Variants in PAGE2B observed in about 807,000 individuals in gnomAD.
PAGE2B encodes the protein PAGE family member 2B.
Under a neutral mutation model 7.6 loss-of-function variants are expected in PAGE2B, and 5 were observed. That is an observed-to-expected ratio of 0.66 (90% confidence interval 0.34 to 1.38). The LOEUF (loss-of-function observed/expected upper bound fraction) is 1.38. Ranked by LOEUF, PAGE2B falls within the 40% of genes most tolerant of loss-of-function variation. PAGE2B has a pLI of 0.04. For synonymous variants in PAGE2B, 29 were observed against 26.7 expected (o/e 1.09, Z -0.27); for missense variants, 70 against 78.4 (o/e 0.89, Z 0.41).
chrX:55,060,772 T>C, the PAGE2B span, among the ~76,000 whole-genome samples: 1 of 111,359 alleles, frequency 9.0e-6, no homozygotes, highest in Non-Finnish European at 1.9e-5. Context: ...AAGTCATTAA[T>C]CCATTTTGAG....
the PAGE2B span, among the ~76,000 whole-genome samples, chrX:55,040,858 A>G: frequency 9.0e-6 from 1 of 111,293 alleles, no homozygotes; most frequent in East Asian, 2.8e-4. Context: ...CCTATATAAA[A>G]TGCTGTAAGG....
the PAGE2B span, among the ~76,000 whole-genome samples, chrX:55,050,442 T>C: frequency 1.8e-5 from 2 of 108,730 alleles, no homozygotes; most frequent in Non-Finnish European, 3.8e-5. Context: ...TGTGGGAGTC[T>C]AAGTCTCTTT....
At chrX:55,042,159 C>T in the PAGE2B span, among the ~76,000 whole-genome samples, 4 of 110,658 alleles carry the variant, frequency 3.6e-5, no homozygotes, top group African/African-American at 1.3e-4. Context: ...GAAAACCCTA[C>T]TAACTCCTCC....
chrX:55,029,161 G>A, the PAGE2B span, among the ~76,000 whole-genome samples: 2 of 111,861 alleles, frequency 1.8e-5, no homozygotes, highest in African/African-American at 6.5e-5. Flanking sequence ...GCCAAGGGAA[G>A]TCACATGAAT....
At chrX:55,045,698 G>A in the PAGE2B span, among the ~76,000 whole-genome samples, 6 of 111,237 alleles carry the variant, frequency 5.4e-5, no homozygotes, top group African/African-American at 2.0e-4. Flanking sequence ...AGGAACACAT[G>A]TATGGAGGCT....
upstream of PAGE2B, among the ~76,000 whole-genome samples, chrX:55,071,502 T>G (rs1480564653): frequency 1.8e-5 from 2 of 111,736 alleles, no homozygotes; most frequent in Non-Finnish European, 3.8e-5. Context: ...CATTTCAACC[T>G]TGGTGAATCT....
At chrX:55,039,902 A>G in the PAGE2B span, among the ~76,000 whole-genome samples, 2 of 111,827 alleles carry the variant, frequency 1.8e-5, no homozygotes, top group Non-Finnish European at 3.8e-5. Flanking sequence ...TTGCCAATGG[A>G]CCATGCTTTA....
At chrX:55,057,877 C>G in the PAGE2B span, among the ~76,000 whole-genome samples, 1 of 111,798 alleles carries the variant, frequency 8.9e-6, no homozygotes, top group African/African-American at 3.3e-5. Flanking sequence ...ACTCTCTTGA[C>G]AGTTGTAGCC....
chrX:55,033,795 T>C, the PAGE2B span, among the ~76,000 whole-genome samples: 3 of 112,422 alleles, frequency 2.7e-5, no homozygotes, highest in African/African-American at 9.7e-5. Context: ...GACATCATGG[T>C]ACTTAAAGTT....
At chrX:55,056,165 A>G in the PAGE2B span, among the ~76,000 whole-genome samples, 1 of 111,146 alleles carries the variant, frequency 9.0e-6, no homozygotes, top group African/African-American at 3.3e-5. Flanking sequence ...CTCAAAATTT[A>G]CCCACGAGTC....
rs776960529 is a variant in PAGE2B at position 55,077,382 on chromosome X, C to A, written c.194-17C>A. ...CATGTTTTAATTTGTAAACTGATGA[C>A]CTTTTTATCTTTTAAGGGCCTGACA... On this transcript the variant is annotated splice_polypyrimidine_tract_variant and intron_variant, in intron 3 of 4. Coordinates refer to ENST00000374971, the MANE Select transcript of PAGE2B (RefSeq NM_001015038.3). 9.9e-6 allele frequency: 12 copies of A among 1,206,593 alleles called. No individual in the cohort carries two copies. In the East Asian group the frequency reaches 3.6e-4, roughly 36 times the overall value.
chrX:55,074,951 C>G (rs1936487409), upstream of PAGE2B: 1 of 113,366 alleles, frequency 8.8e-6, no homozygotes, highest in African/African-American at 3.2e-5. Flanking sequence ...GCTGCACAGA[C>G]CTGTTGCTGC....
At chrX:55,060,213 T>C in the PAGE2B span, among the ~76,000 whole-genome samples, 1 of 111,707 alleles carries the variant, frequency 9.0e-6, no homozygotes, top group African/African-American at 3.3e-5. Flanking sequence ...GGAATCTCCT[T>C]ACCGTTTTTC....
At chrX:55,035,969 A>G in the PAGE2B span, among the ~76,000 whole-genome samples, 1 of 111,086 alleles carries the variant, frequency 9.0e-6, no homozygotes, top group African/African-American at 3.3e-5. Flanking sequence ...ATCCTCTTTT[A>G]TTTCCTTGAG....
At position 55,077,498 on chromosome X, in the gene PAGE2B, T is replaced by C. The variant is rs149758580; in HGVS notation, c.293T>C (p.Phe98Ser). 2.6e-4 allele frequency: 316 copies of C among 1,210,859 alleles called. 2 individuals are homozygous for C. The East Asian group carries it at 7.9e-3, about 30-fold the overall frequency. Reference protein sequence around the residue: ...PDVREGIMPTFDLTKVLEAGD... With the variant: ...PDVREGIMPTSDLTKVLEAGD... ...GTCAGGGAGGGGATTATGCCCACTTTTGATCTCACTAAAGTGCTGGAAGCA... is the reference window on the plus strand; with the variant it reads ...GTCAGGGAGGGGATTATGCCCACTTCTGATCTCACTAAAGTGCTGGAAGCA... The change falls in exon 4 of 5, where the codon TTT becomes TCT. Residue 98 changes from phenylalanine to serine, a missense_variant. Coordinates refer to ENST00000374971, the MANE Select transcript of PAGE2B (RefSeq NM_001015038.3).
chrX:55,045,284 T>C, the PAGE2B span, among the ~76,000 whole-genome samples: 1 of 111,532 alleles, frequency 9.0e-6, no homozygotes, highest in Non-Finnish European at 1.9e-5. Flanking sequence ...GTGGATATTA[T>C]TTCAGGAACT....
At chrX:55,042,450 C>G in the PAGE2B span, among the ~76,000 whole-genome samples, 1 of 108,279 alleles carries the variant, frequency 9.2e-6, no homozygotes, top group Admixed American at 9.9e-5. Flanking sequence ...GTCAGGAGAT[C>G]GAGACCATCC....
the PAGE2B span, among the ~76,000 whole-genome samples, chrX:55,058,153 C>A: frequency 9.0e-6 from 1 of 110,544 alleles, no homozygotes; most frequent in Non-Finnish European, 1.9e-5. Context: ...ATGCTGATGT[C>A]AACTCGGTTG....
chrX:55,066,908 G>T, the PAGE2B span, among the ~76,000 whole-genome samples: 103 of 110,817 alleles, frequency 9.3e-4, no homozygotes, highest in African/African-American at 3.2e-3. Context: ...CGTCTTTAAG[G>T]TCAATAACTC....
Sources: gnomAD v4.1 joint callset for allele counts (sites outside exome capture counted in the v4.1 genomes callset) on GRCh38, gnomAD v4.1.1 for gene constraint, MANE v1.5 for transcripts, NCBI Gene and HGNC (gene_info 2026-07-23, HGNC 2026-07-21) for gene names.